ZEB1: variants seen among roughly 807,000 people sequenced by gnomAD.
ZEB1 encodes zinc finger E-box-binding homeobox 1.
A neutral mutation model predicts 84.9 loss-of-function variants in ZEB1; 21 were observed. The observed-to-expected ratio is 0.25, with a 90% CI of 0.18 to 0.36. ZEB1 has a LOEUF of 0.36. ZEB1 is among the 10% of genes least tolerant of loss of function. ZEB1 has a pLI of 1.00. For synonymous variants in ZEB1, 420 were observed against 471.1 expected (o/e 0.89, Z 1.41); for missense variants, 1,104 against 1,330.2 (o/e 0.83, Z 2.65).
intron 1 of ZEB1, among the ~76,000 whole-genome samples, chr10:31,419,117 C>T (rs2135991226): frequency 6.6e-6 from 1 of 152,146 alleles, no homozygotes; most frequent in Non-Finnish European, 1.5e-5. Flanking sequence ...AGAAAGTAAT[C>T]CTGTAACTAT....
Position 31,509,194 on chromosome 10 carries a change from G to T in ZEB1, c.485-1479G>T, listed in dbSNP as rs565520709. On this transcript the variant is annotated intron_variant, in intron 4 of 8. Transcript: ENST00000424869. Reference sequence around the variant, plus strand: ...GCTGTAGCTACTTAGAACTCAGGGGGTGTACAGATTCAGCATAAGCTCCCT... The same window carrying T: ...GCTGTAGCTACTTAGAACTCAGGGGTTGTACAGATTCAGCATAAGCTCCCT... Among the ~76,000 whole-genome samples, 9 of 152,234 alleles carry T rather than the reference G, an allele frequency of 5.9e-5. No individual in the cohort carries two copies. The South Asian group carries it at 1.0e-3, about 18-fold the overall frequency.
At position 31,526,965 on chromosome 10, in the gene ZEB1, G is replaced by A; in HGVS notation, c.3079G>A (p.Glu1027Lys). ...CTCACAGGGCGACTCGGACGAGAGA[G>A]AGAGTTTGACAAGGGAAGAGGATGA... Reference protein sequence around the residue: ...SPSQGDSDERESLTREEDEDS... With the variant: ...SPSQGDSDERKSLTREEDEDS... Residue 1027 changes from glutamate to lysine, a missense_variant, in exon 9 of 9, where the codon GAG (glutamate) becomes AAG (lysine). Physicochemically the swap from Glu to Lys is moderately conservative, Grantham distance 56. This residue lies in a region of ZEB1 where 173 missense variants were observed against 167.0 expected (regional missense o/e 1.04). Coordinates refer to ENST00000424869, the MANE Select transcript of ZEB1 (RefSeq NM_001174096.2). 2.5e-6 allele frequency: 4 copies of A among 1,613,802 alleles called. No individual in the cohort carries two copies. The highest frequency in any genetic ancestry group is 2.5e-6 in the Non-Finnish European group (3 of 1,179,858).
At chr10:31,387,264 A>C (rs1254535572) in intron 1 of ZEB1, 7 of 985,580 alleles carry the variant, frequency 7.1e-6, no homozygotes, top group Non-Finnish European at 8.4e-6. Context: ...TTGTTCTCTA[A>C]AGGTAAGCAC....
intron 1 of ZEB1, among the ~76,000 whole-genome samples, chr10:31,332,276 C>T (rs1459465856): frequency 6.6e-6 from 1 of 152,136 alleles, no homozygotes; most frequent in Non-Finnish European, 1.5e-5. Flanking sequence ...TTTGGCTGTG[C>T]ATTTCTAGTC....
chr10:31,347,451 T>C (rs2040508735), intron 1 of ZEB1, among the ~76,000 whole-genome samples: 2 of 152,194 alleles, frequency 1.3e-5, no homozygotes, highest in Non-Finnish European at 2.9e-5. Flanking sequence ...GTTCAAGTGA[T>C]CCTCCTGTTT....
Position 31,327,533 on chromosome 10 carries a change from A to G in ZEB1, c.58+8241A>G, listed in dbSNP as rs1047979034. ...TGTAGTAAGCACAAATTACCTATCA[A>G]TTCCCCTAATGGCAGATTCCCAGAT... On this transcript the variant is annotated intron_variant, in intron 1 of 8. Coordinates refer to ENST00000424869, the MANE Select transcript of ZEB1 (RefSeq NM_001174096.2). Among the ~76,000 whole-genome samples, 22 of 152,150 alleles carry G rather than the reference A, an allele frequency of 1.4e-4. 1 individual carries two copies. Among genetic ancestry groups the G allele is most frequent in the Non-Finnish European group, 2.1e-4 (14 of 68,014 alleles).
intron 1 of ZEB1, among the ~76,000 whole-genome samples, chr10:31,430,297 A>T (rs956430445): frequency 6.6e-6 from 1 of 152,168 alleles, no homozygotes; most frequent in Non-Finnish European, 1.5e-5. Flanking sequence ...TTATAGGGTC[A>T]TCTGTTAATT....
At chr10:31,493,594 G>A (rs1425504026) in intron 2 of ZEB1, among the ~76,000 whole-genome samples, 1 of 151,902 alleles carries the variant, frequency 6.6e-6, no homozygotes, top group Non-Finnish European at 1.5e-5. Context: ...AGTAAGATCA[G>A]AACACATGAG....
At chr10:31,424,679 A>G (rs1019009925) in intron 1 of ZEB1, among the ~76,000 whole-genome samples, 1 of 152,034 alleles carries the variant, frequency 6.6e-6, no homozygotes, top group Non-Finnish European at 1.5e-5. Context: ...GGAACTTGAC[A>G]GCTCATAGTT....
chr10:31,369,288 C>G (rs2045241512), intron 1 of ZEB1, among the ~76,000 whole-genome samples: 1 of 152,168 alleles, frequency 6.6e-6, no homozygotes, highest in Non-Finnish European at 1.5e-5. Context: ...CGTCAACTTG[C>G]TACGGAATAG....
intron 4 of ZEB1, 131 bp from the exon 5 acceptor site, chr10:31,510,540 CAT>C (rs2069791023): frequency 1.4e-6 from 1 of 716,810 alleles, no homozygotes; most frequent in African/African-American, 1.8e-5. Context: ...AGATGAGTAT[CAT>C]TGCATTGTTT....
chr10:31,401,850 T>C (rs2052084343), intron 1 of ZEB1, among the ~76,000 whole-genome samples: 1 of 152,028 alleles, frequency 6.6e-6, no homozygotes, highest in Admixed American at 6.6e-5. Flanking sequence ...ACTCCAACCA[T>C]AATAGGCAGT....
intron 2 of ZEB1, among the ~76,000 whole-genome samples, chr10:31,465,659 G>T (rs2062329120): frequency 1.3e-5 from 2 of 152,016 alleles, no homozygotes; most frequent in Non-Finnish European, 2.9e-5. Flanking sequence ...GTGTCACCAG[G>T]GTAGAGTGCA....
At chr10:31,457,399 A>G (rs917279924) in intron 1 of ZEB1, among the ~76,000 whole-genome samples, 1 of 152,158 alleles carries the variant, frequency 6.6e-6, no homozygotes, top group South Asian at 2.1e-4. Context: ...CATTAATATC[A>G]GCAGTTTTCA....
At chr10:31,346,522 T>C (rs1564535050) in intron 1 of ZEB1, among the ~76,000 whole-genome samples, 3 of 152,054 alleles carry the variant, frequency 2.0e-5, no homozygotes, top group Admixed American at 6.6e-5. Flanking sequence ...ATACTGCTTT[T>C]AGCAAAAAAT....
At chr10:31,501,258 C>G (rs2068084003) in intron 3 of ZEB1, among the ~76,000 whole-genome samples, 1 of 152,144 alleles carries the variant, frequency 6.6e-6, no homozygotes, top group South Asian at 2.1e-4. Context: ...GAGTAGAGAC[C>G]CTCTTCTGGA....
intron 7 of ZEB1, 101 bp from the exon 8 acceptor site, chr10:31,523,832 A>G: frequency 2.2e-6 from 3 of 1,367,370 alleles, no homozygotes; most frequent in South Asian, 2.5e-5. Flanking sequence ...TGAAAGTATA[A>G]AAGTATAAGT....
Position 31,508,340 on chromosome 10 carries a change from G to A in ZEB1, c.485-2333G>A, listed in dbSNP as rs911755632. ...AGGTGGGCAGGTTCTCAGGCTCCTG[G>A]GCAGTGGATGTCACTTGGGCAATGG... On this transcript the variant is annotated intron_variant, in intron 4 of 8. Transcript: ENST00000424869. Among the ~76,000 whole-genome samples, 50 of 152,094 alleles carry A rather than the reference G, an allele frequency of 3.3e-4. 2 individuals are homozygous for A. Among genetic ancestry groups the A allele is most frequent in the Admixed American group, 3.1e-3 (48 of 15,288 alleles).
rs971827454 is a variant in ZEB1, at chr10:31,521,487, G to A, written c.2155G>A (p.Gly719Ser). The A allele has an allele frequency of 1.9e-6, 3 of 1,613,884 alleles. No individual in the cohort carries two copies. The highest frequency in any genetic ancestry group is 1.3e-5 in the African/African-American group (1 of 74,862). The change falls in exon 7 of 9, where the codon GGT (glycine) becomes AGT (serine). Residue 719 changes from glycine (G) to serine (S), a missense_variant. Coordinates refer to ENST00000424869, the MANE Select transcript of ZEB1 (RefSeq NM_001174096.2). ...CCTTTCCTCATCCAGAAATACACAG[G>A]GTTACTTGTACACAGCTGAGGGTGC... is the stretch of plus-strand genomic sequence containing the variant. ...LNLSSSRNTQGYLYTAEGAQE... is the reference protein window; with the variant it reads ...LNLSSSRNTQSYLYTAEGAQE...
Sources: allele counts gnomAD v4.1 joint callset (sites outside exome capture counted in the v4.1 genomes callset), GRCh38; gene constraint gnomAD v4.1.1; regional missense constraint gnomAD v4.1.1; transcripts MANE v1.5; gene names NCBI Gene and HGNC (gene_info 2026-07-23, HGNC 2026-07-21).